The following CHD1L variants were observed in gnomAD, a reference collection of about 807,000 sequenced individuals.
CHD1L encodes ATP-dependent chromatin remodeler CHD1L.
In CHD1L, 118 loss-of-function variants were observed where a neutral mutation model predicts 115.9. The observed-to-expected ratio is 1.02, with a 90% confidence interval of 0.88 to 1.19. CHD1L has a LOEUF of 1.19. CHD1L is among the 50% of genes most tolerant of loss of function. The pLI is 0.00. For missense variants in CHD1L, 1,179 were observed against 1,065.3 expected, an observed-to-expected ratio of 1.11 and a Z score of -1.49; for synonymous variants, 411 against 387.1, an observed-to-expected ratio of 1.06 and a Z score of -0.72.
In CHD1L at chr1:147,284,441, A is replaced by G; in HGVS notation, c.1796A>G (p.Gln599Arg). ...RKSFEQLVNL[Q>R]KTLLEKASQE... ...TCATTTGAACAACTGGTAAACCTTC[A>G]GAAAACCCTTTTGGAGAAAGCTAGT... The change falls in exon 16 of 23, where the codon CAG becomes CGG. Residue 599 changes from glutamine to arginine, a missense_variant. Coordinates refer to ENST00000369258, the MANE Select transcript of CHD1L (RefSeq NM_004284.6). The G allele has an allele frequency of 6.2e-7, 1 of 1,612,810 alleles. No homozygotes were observed.
the CHD1L span, chr1:147,208,944 C>A: frequency 1.2e-6 from 2 of 1,614,064 alleles, no homozygotes; most frequent in Non-Finnish European, 1.7e-6. Flanking sequence ...GGCCACAGAT[C>A]TTCCATATAA....
At chr1:147,237,794 G>A (rs1235094671), upstream of CHD1L, among the ~76,000 whole-genome samples, 2 of 152,176 alleles carry the variant, frequency 1.3e-5, no homozygotes, top group Admixed American at 1.3e-4. Context: ...TGAAATTCTG[G>A]GTGACCAATG....
In CHD1L at chr1:147,252,618, T is replaced by G. The variant is rs782479829; in HGVS notation, c.128-5T>G. On this transcript the variant is annotated splice_region_variant and splice_polypyrimidine_tract_variant and intron_variant, in intron 1 of 22. Transcript: ENST00000369258. ...CTTCGGATTTGCTGTATTTTTTGTT[T>G]CTAGGGATTCACCTACGCTCTTACC... 59 of 1,612,318 alleles carry G rather than the reference T, an allele frequency of 3.7e-5. No individual in the cohort carries two copies. The Admixed American group carries it at 9.7e-4, about 26-fold the overall frequency.
At chr1:147,270,890 A>AC in intron 10 of CHD1L, 42 bp from the exon 11 acceptor site, 1 of 1,563,158 alleles carries the variant, frequency 6.4e-7, no homozygotes, top group East Asian at 2.2e-5. Context: ...GACCTTAAAT[A>AC]CCACTAGACT....
the CHD1L span, among the ~76,000 whole-genome samples, chr1:147,235,335 T>C: frequency 6.6e-6 from 1 of 152,218 alleles, no homozygotes; most frequent in Non-Finnish European, 1.5e-5. Context: ...TTTCAGTCCT[T>C]CGTAATACCT....
chr1:147,187,200 A>T, the CHD1L span: 1 of 1,614,046 alleles, frequency 6.2e-7, no homozygotes, highest in Non-Finnish European at 8.5e-7. Context: ...CTTCCATGGT[A>T]TCTATGTAGT....
chr1:147,265,303 T>C (rs1318947411), intron 7 of CHD1L, among the ~76,000 whole-genome samples: 6 of 152,184 alleles, frequency 3.9e-5, no homozygotes, highest in Non-Finnish European at 8.8e-5. Context: ...ATATAAGACT[T>C]CTAGTCAAAT....
the CHD1L span, chr1:147,179,073 T>C: frequency 6.2e-7 from 1 of 1,614,024 alleles, no homozygotes; most frequent in Non-Finnish European, 8.5e-7. Context: ...AGAGCACTGC[T>C]GGAGAGATTC....
chr1:147,190,554 A>C, the CHD1L span, among the ~76,000 whole-genome samples: 5,606 of 152,242 alleles, frequency 0.037, 152 homozygotes, highest in South Asian at 0.094. Flanking sequence ...GAGAAAATGG[A>C]CTTAAAGGTA....
intron 6 of CHD1L, among the ~76,000 whole-genome samples, chr1:147,261,479 C>T (rs1048873426): frequency 2.0e-4 from 30 of 151,606 alleles, no homozygotes; most frequent in African/African-American, 7.0e-4. Flanking sequence ...CTCTTAAAGG[C>T]GCTACCTCTT....
chr1:147,192,040 C>T, the CHD1L span, among the ~76,000 whole-genome samples: 1 of 152,128 alleles, frequency 6.6e-6, no homozygotes, highest in Non-Finnish European at 1.5e-5. Context: ...TTTTCCAATT[C>T]TGTGAAGAAA....
At position 147,278,371 on chromosome 1, in the gene CHD1L, C is replaced by T. The variant is rs587663464; in HGVS notation, c.1540-1655C>T. ...TCCTGAGTAGCTGGGACTACAGGCG[C>T]GCACCACCACGCCTAGCTAATTTTT... is the stretch of plus-strand genomic sequence containing the variant. On this transcript the variant is annotated intron_variant, in intron 14 of 22. Coordinates refer to ENST00000369258, the MANE Select transcript of CHD1L (RefSeq NM_004284.6). 4.3e-3 allele frequency among the ~76,000 whole-genome samples: 643 copies of T among 151,066 alleles called. 2 individuals carry two copies. The highest frequency in any genetic ancestry group is 0.017 in the Middle Eastern group (5 of 288).
At chr1:147,192,708 G>A in the CHD1L span, among the ~76,000 whole-genome samples, 2 of 152,094 alleles carry the variant, frequency 1.3e-5, no homozygotes, top group African/African-American at 4.8e-5. Flanking sequence ...TTTATTGAGA[G>A]TTTTTAGCAT....
chr1:147,229,506 C>T, the CHD1L span, among the ~76,000 whole-genome samples: 2,752 of 152,132 alleles, frequency 0.018, 75 homozygotes, highest in African/African-American at 0.062. Flanking sequence ...TTTTTTGGTT[C>T]CATATGAACT....
intron 2 of CHD1L, among the ~76,000 whole-genome samples, chr1:147,253,432 T>A (rs1669039595): frequency 6.6e-6 from 1 of 152,204 alleles, no homozygotes; most frequent in African/African-American, 2.4e-5. Flanking sequence ...TTATTTCTGT[T>A]ATAAAAACTA....
At chr1:147,223,000 TGTAA>T in the CHD1L span, among the ~76,000 whole-genome samples, 3 of 152,234 alleles carry the variant, frequency 2.0e-5, no homozygotes, top group African/African-American at 7.2e-5. Context: ...CTGGCACTGT[TGTAA>T]GTGATTGGCA....
In CHD1L at chr1:147,266,038, G is replaced by C; in HGVS notation, c.846G>C (p.Met282Ile). ...CAGAAGTAGTGATATACCATGGCAT[G>C]TCAGCATTGCAGAAGAAATACTACA... ...KKTEVVIYHG[M>I]SALQKKYYKA... The change falls in exon 8 of 23, where the codon ATG (methionine) becomes ATC (isoleucine). Residue 282 changes from methionine (M) to isoleucine (I), a missense_variant. Met to Ile is a conservative substitution (Grantham distance 10). Transcript: ENST00000369258. 1 of 1,613,716 alleles carries C rather than the reference G, an allele frequency of 6.2e-7. No homozygotes were observed. The highest frequency in any genetic ancestry group is 8.5e-7 in the Non-Finnish European group (1 of 1,179,778).
At chr1:147,193,599 AG>A in the CHD1L span, among the ~76,000 whole-genome samples, 1 of 152,024 alleles carries the variant, frequency 6.6e-6, no homozygotes, top group Non-Finnish European at 1.5e-5. Context: ...TTGTGATGTT[AG>A]GGTGTCAATT....
upstream of CHD1L, among the ~76,000 whole-genome samples, chr1:147,240,471 T>C (rs587638736): frequency 2.0e-5 from 3 of 152,274 alleles, no homozygotes; most frequent in South Asian, 6.2e-4. Context: ...AATATGGCCT[T>C]GTGGGAAGGG....
Sources: gnomAD v4.1 joint callset for allele counts (sites outside exome capture counted in the v4.1 genomes callset) on GRCh38, gnomAD v4.1.1 for gene constraint, MANE v1.5 for transcripts, NCBI Gene and HGNC (gene_info 2026-07-23, HGNC 2026-07-21) for gene names.